Variants in EBF2 observed in about 807,000 individuals in gnomAD.
EBF2 encodes the protein EBF transcription factor 2.
A neutral mutation model predicts 72.8 loss-of-function variants in EBF2; 21 were observed. The observed-to-expected ratio is 0.29, with a 90% CI of 0.20 to 0.42. The LOEUF is 0.42. Among genes scored for constraint, EBF2 ranks in the 10% least tolerant of loss-of-function variants. EBF2 has a pLI of 1.00. For missense variants in EBF2, 637 were observed against 731.2 expected (o/e 0.87, Z 1.49); for synonymous variants, 299 against 274.2 (o/e 1.09, Z -0.89).
intron 6 of EBF2, among the ~76,000 whole-genome samples, chr8:26,005,412 A>ATAAT (rs1804844083): frequency 5.3e-5 from 1 of 18,800 alleles, no homozygotes; most frequent in Non-Finnish European, 8.1e-5. Context: ...AATATAATAT[A>ATAAT]TATTATAATA....
At chr8:25,992,772 C>T (rs11135908) in intron 6 of EBF2, among the ~76,000 whole-genome samples, 43,902 of 151,522 alleles carry the variant, frequency 0.29, 7,449 homozygotes, top group Admixed American at 0.4. Flanking sequence ...GGCTTGGTGG[C>T]ACATGCCTGT....
intron 6 of EBF2, among the ~76,000 whole-genome samples, chr8:25,994,131 AC>A (rs1470402327): frequency 6.6e-6 from 1 of 152,216 alleles, no homozygotes; most frequent in Non-Finnish European, 1.5e-5. Flanking sequence ...AGTGAGGAAC[AC>A]TAAAACCAAT....
chr8:25,990,986 C>A (rs1804533400), intron 6 of EBF2, among the ~76,000 whole-genome samples: 1 of 152,176 alleles, frequency 6.6e-6, no homozygotes, highest in African/African-American at 2.4e-5. Context: ...TAAGTCCTAG[C>A]TGAATGGCAG....
At chr8:25,913,992 G>C (rs1440058045) in intron 6 of EBF2, among the ~76,000 whole-genome samples, 1 of 152,176 alleles carries the variant, frequency 6.6e-6, no homozygotes, top group Non-Finnish European at 1.5e-5. Flanking sequence ...TGCAATACAG[G>C]GACAGGCTGG....
chr8:25,900,796 TA>T (rs1156458775), intron 7 of EBF2, among the ~76,000 whole-genome samples: 2 of 135,540 alleles, frequency 1.5e-5, no homozygotes, highest in African/African-American at 5.5e-5. Context: ...AATAATAAAA[TA>T]AAAAATAAAA....
At chr8:26,010,545 G>A (rs1267216607) in intron 6 of EBF2, among the ~76,000 whole-genome samples, 3 of 152,166 alleles carry the variant, frequency 2.0e-5, no homozygotes, top group Non-Finnish European at 4.4e-5. Flanking sequence ...CCCGTTCCCG[G>A]CAGAAAATAC....
intron 6 of EBF2, among the ~76,000 whole-genome samples, chr8:26,025,661 C>T (rs944597685): frequency 2.6e-5 from 4 of 152,112 alleles, no homozygotes; most frequent in African/African-American, 9.7e-5. Flanking sequence ...CAGTGTCCTC[C>T]AATGAAGAGC....
At chr8:25,976,429 G>C (rs189235458) in intron 6 of EBF2, among the ~76,000 whole-genome samples, 1 of 152,296 alleles carries the variant, frequency 6.6e-6, no homozygotes, top group East Asian at 1.9e-4. Context: ...CGTCTTTAGA[G>C]TCACTCATAA....
intron 6 of EBF2, among the ~76,000 whole-genome samples, chr8:25,975,237 G>A (rs1185853443): frequency 6.6e-6 from 1 of 152,124 alleles, no homozygotes; most frequent in Non-Finnish European, 1.5e-5. Context: ...GAAAATGAAA[G>A]AAACGATACA....
rs1801766350 is a variant in EBF2, at chr8:25,843,074, C to G, written c.*1535G>C. 1 of 152,184 alleles carries G rather than the reference C, an allele frequency of 6.6e-6. No individual in the cohort carries two copies. Among genetic ancestry groups the G allele is most frequent in the Admixed American group, 6.5e-5 (1 of 15,268 alleles). 9.4% of individuals were successfully genotyped at this position (152,184 alleles called of 1,614,324 possible). The stretch of plus-strand genomic sequence containing the variant: ...TTCAAGAATCAACCACTGTTAGCAG[C>G]TAAGGCAAGGTTCTTCCCCTCTAAG... On this transcript the variant is annotated 3_prime_UTR_variant, in exon 16 of 16. Transcript: ENST00000520164.
At chr8:25,862,527 G>A (rs1802228771) in intron 11 of EBF2, among the ~76,000 whole-genome samples, 182 bp downstream of exon 11, 1 of 152,036 alleles carries the variant, frequency 6.6e-6, no homozygotes, top group African/African-American at 2.4e-5. Context: ...TATTTCCTCA[G>A]AGATTAATAA....
intron 1 of EBF2, 45 bp from the exon 2 acceptor site, chr8:26,042,296 C>T (rs769064244): frequency 6.3e-6 from 10 of 1,575,896 alleles, no homozygotes; most frequent in Non-Finnish European, 6.9e-6. Context: ...CGGGGAAGCA[C>T]AAAAAGGCGA....
intron 6 of EBF2, among the ~76,000 whole-genome samples, chr8:25,921,672 C>G (rs149723032): frequency 9.4e-4 from 143 of 152,296 alleles, no homozygotes; most frequent in African/African-American, 3.4e-3. Flanking sequence ...TTATCTGTTT[C>G]ACGTTTCTTT....
chr8:26,018,917 G>A (rs1026167267), intron 6 of EBF2, among the ~76,000 whole-genome samples: 5 of 142,208 alleles, frequency 3.5e-5, no homozygotes, highest in African/African-American at 1.3e-4. Context: ...GACCATCAGT[G>A]GGATCCATGG....
chr8:25,956,418 AATTATT>A (rs1319555883), intron 6 of EBF2, among the ~76,000 whole-genome samples: 1 of 152,012 alleles, frequency 6.6e-6, no homozygotes, highest in African/African-American at 2.4e-5. Context: ...AAAAAAAAAA[AATTATT>A]ATTATTATAA....
Position 25,854,339 on chromosome 8 carries a change from T to C in EBF2, c.1529-3578A>G, listed in dbSNP as rs62500479. On this transcript the variant is annotated intron_variant, in intron 14 of 15. Transcript: ENST00000520164. ...GAAAGCAAACACCACTCCTCATATC[T>C]CTGTTCCCCATTCTTATGACCTGGG... 1.8e-3 allele frequency among the ~76,000 whole-genome samples: 270 copies of C among 152,080 alleles called. 1 individual carries two copies. The highest frequency in any genetic ancestry group is 0.011 in the South Asian group (54 of 4,816).
Position 25,908,469 on chromosome 8 carries a change from C to A in EBF2, c.633+5G>T, listed in dbSNP as rs1208920499. The A allele has an allele frequency of 2.5e-6, 4 of 1,608,968 alleles. No individual in the cohort carries two copies. In the East Asian group the frequency reaches 8.9e-5, roughly 36 times the overall value. On this transcript the variant is annotated splice_donor_5th_base_variant and intron_variant, in intron 7 of 15. Coordinates refer to ENST00000520164, the MANE Select transcript of EBF2 (RefSeq NM_022659.4). ...TTAACAGGAAAGATCTGCAGGGCCC[C>A]TTACCTGAAACCGTCTCATGTCCCT...
At chr8:25,855,972 A>G (rs1802081089) in intron 14 of EBF2, among the ~76,000 whole-genome samples, 1 of 152,056 alleles carries the variant, frequency 6.6e-6, no homozygotes, top group Non-Finnish European at 1.5e-5. Context: ...TTTAATGGGT[A>G]ATTTGAAGAT....
At chr8:25,931,132 C>T (rs536828623) in intron 6 of EBF2, among the ~76,000 whole-genome samples, 1 of 152,262 alleles carries the variant, frequency 6.6e-6, no homozygotes, top group East Asian at 1.9e-4. Flanking sequence ...TTTCATTGAA[C>T]AGCAGCCAGT....
Sources: gnomAD v4.1 joint callset for allele counts (sites outside exome capture counted in the v4.1 genomes callset) on GRCh38, gnomAD v4.1.1 for gene constraint, MANE v1.5 for transcripts, NCBI Gene and HGNC (gene_info 2026-07-23, HGNC 2026-07-21) for gene names.